The following ZBTB44 variants were observed in gnomAD, a reference collection of about 807,000 sequenced individuals.
ZBTB44 encodes the protein zinc finger and BTB domain containing 44, also known as zinc finger and BTB domain-containing protein 44.
A neutral mutation model predicts 54.0 loss-of-function variants in ZBTB44; 15 were observed. The observed-to-expected ratio is 0.28, with a 90% CI of 0.19 to 0.43. The LOEUF (loss-of-function observed/expected upper bound fraction) is 0.43, where lower values mean the gene tolerates loss of function less well. Among genes scored for constraint, ZBTB44 ranks in the 20% least tolerant of loss-of-function variants. The probability of loss-of-function intolerance (pLI) is 1.00; values close to 1 mark genes in which losing one functional copy is unlikely to be tolerated. For missense variants in ZBTB44, 487 were observed against 707.1 expected (o/e 0.69, Z 3.53); for synonymous variants, 230 against 250.1 (o/e 0.92, Z 0.76).
At position 130,260,887 on chromosome 11, in the gene ZBTB44, G is replaced by C; in HGVS notation, c.987C>G (p.Asp329Glu). The part of the protein sequence containing the change: ...TVPGSEQVQE[D>E]LLISPQSSSI... ...AGGAAGACTGTGGACTAATCAGAAGGTCCTCTTGGACTTGTTCACTTCCTG... is the reference window on the plus strand; with the variant it reads ...AGGAAGACTGTGGACTAATCAGAAGCTCCTCTTGGACTTGTTCACTTCCTG... The change falls in exon 2 of 8, where the codon GAC becomes GAG. Residue 329 changes from aspartate (D) to glutamate (E), a missense_variant. Around this residue, in one of 3 missense-constraint regions of ZBTB44, gnomAD observed 277 missense variants for 306.5 expected, o/e 0.90. Coordinates refer to ENST00000357899, the MANE Select transcript of ZBTB44 (RefSeq NM_001301098.2). The C allele has an allele frequency of 6.2e-7, 1 of 1,613,808 alleles. No individual in the cohort carries two copies. Among genetic ancestry groups the C allele is most frequent in the Non-Finnish European group, 8.5e-7 (1 of 1,179,856 alleles).
intron 5 of ZBTB44, chr11:130,236,044 A>AGGAATCCT: frequency 9.1e-7 from 1 of 1,101,142 alleles, no homozygotes; most frequent in Non-Finnish European, 1.1e-6. Flanking sequence ...TACAATTCTT[A>AGGAATCCT]TAAACAATTT....
Position 130,234,163 on chromosome 11 carries a change from A to G in ZBTB44, c.1679T>C (p.Ile560Thr). The G allele has an allele frequency of 6.5e-7, 1 of 1,544,530 alleles. No homozygotes were observed. Among genetic ancestry groups the G allele is most frequent in the Non-Finnish European group, 8.7e-7 (1 of 1,143,928 alleles). The change falls in exon 6 of 8, where the codon ATT becomes ACT. Residue 560 changes from isoleucine (I) to threonine (T), a missense_variant. Ile to Thr is a moderately conservative substitution (Grantham distance 89). Around this residue, in one of 3 missense-constraint regions of ZBTB44, gnomAD observed 120 missense variants for 240.3 expected, o/e 0.50. Transcript: ENST00000357899. ...ATTCTGGGTTGAGGAGACCTGTGAAATGACAGGCATTTGAACAGAGGAGTT... is the reference window on the plus strand; with the variant it reads ...ATTCTGGGTTGAGGAGACCTGTGAAGTGACAGGCATTTGAACAGAGGAGTT... ...ESNSSVQMPV[I>T]SQYHSKGKEP
In ZBTB44 at chr11:130,308,992, G is replaced by A. The variant is rs141535820; in HGVS notation, c.-57+5383C>T. Among the ~76,000 whole-genome samples, 11 of 152,262 alleles carry A rather than the reference G, an allele frequency of 7.2e-5. No individual in the cohort carries two copies. The East Asian group carries it at 1.4e-3, about 19-fold the overall frequency. On this transcript the variant is annotated intron_variant, in intron 1 of 7. Transcript: ENST00000357899. ...ATGGTCCAAGACACACAGCCCTCTT[G>A]CACAAATAACTCACAAGCTTTCTGC...
intron 1 of ZBTB44, among the ~76,000 whole-genome samples, chr11:130,271,191 A>G (rs1174705511): frequency 6.6e-6 from 1 of 151,824 alleles, no homozygotes; most frequent in Non-Finnish European, 1.5e-5. Context: ...TTCATTATAA[A>G]TAGTTAAAGG....
intron 1 of ZBTB44, among the ~76,000 whole-genome samples, chr11:130,272,491 T>C (rs140620100): frequency 6.6e-6 from 1 of 152,356 alleles, no homozygotes; most frequent in African/African-American, 2.4e-5. Flanking sequence ...TATATTCTAG[T>C]TGTGAGTTGC....
intron 1 of ZBTB44, among the ~76,000 whole-genome samples, chr11:130,303,024 C>G (rs1022870976): frequency 6.6e-6 from 1 of 152,152 alleles, no homozygotes; most frequent in Non-Finnish European, 1.5e-5. Flanking sequence ...GTAAGTAAAT[C>G]TAAGTCCCTG....
chr11:130,258,879 C>A (rs1938636669), intron 2 of ZBTB44, among the ~76,000 whole-genome samples: 1 of 152,188 alleles, frequency 6.6e-6, no homozygotes, highest in Non-Finnish European at 1.5e-5. Flanking sequence ...TGTACCAGCC[C>A]TGGACTTTTA....
intron 2 of ZBTB44, among the ~76,000 whole-genome samples, chr11:130,249,079 G>A (rs1188938610): frequency 6.6e-6 from 1 of 152,188 alleles, no homozygotes; most frequent in African/African-American, 2.4e-5. Context: ...ATTCCAGCCT[G>A]GGTGACAGAG....
At chr11:130,264,734 A>G (rs1197278431) in intron 1 of ZBTB44, among the ~76,000 whole-genome samples, 2 of 152,228 alleles carry the variant, frequency 1.3e-5, no homozygotes, top group African/African-American at 4.8e-5. Flanking sequence ...ATGCTCCATA[A>G]TACAAACTTA....
intron 1 of ZBTB44, among the ~76,000 whole-genome samples, chr11:130,311,708 C>T (rs1454854460): frequency 6.6e-6 from 1 of 152,120 alleles, no homozygotes; most frequent in Non-Finnish European, 1.5e-5. Flanking sequence ...AACGAATATG[C>T]CAAACATCCA....
At chr11:130,241,639 C>A (rs1424647383) in intron 2 of ZBTB44, among the ~76,000 whole-genome samples, 3 of 152,062 alleles carry the variant, frequency 2.0e-5, no homozygotes, top group Non-Finnish European at 4.4e-5. Flanking sequence ...AATATCTTTC[C>A]CCATCCCATG....
intron 1 of ZBTB44, among the ~76,000 whole-genome samples, chr11:130,263,457 T>G (rs1939025638): frequency 6.6e-6 from 1 of 152,160 alleles, no homozygotes; most frequent in Non-Finnish European, 1.5e-5. Flanking sequence ...CCTTCGAGAG[T>G]GCTTACTTTG....
chr11:130,265,233 ATTTTT>A (rs919772187), intron 1 of ZBTB44, among the ~76,000 whole-genome samples: 7 of 151,176 alleles, frequency 4.6e-5, no homozygotes, highest in African/African-American at 1.7e-4. Context: ...TTCTCACTTT[ATTTTT>A]TTTTATGAGA....
chr11:130,263,729 C>T (rs1364716723), intron 1 of ZBTB44, among the ~76,000 whole-genome samples: 2 of 152,160 alleles, frequency 1.3e-5, no homozygotes, highest in Admixed American at 6.6e-5. Context: ...TGAGTTACAT[C>T]CACCTTCAGT....
chr11:130,228,634 G>A lies in ZBTB44; in HGVS notation c.*3130C>T, dbSNP rs994223469. Reference sequence around the variant, plus strand: ...GAGATGACAGGGCTCCCTTAAAGCAGGAAGATTTATCCTTCCTCAGCAGGT... The same window carrying A: ...GAGATGACAGGGCTCCCTTAAAGCAAGAAGATTTATCCTTCCTCAGCAGGT... On this transcript the variant is annotated 3_prime_UTR_variant, in exon 8 of 8. Coordinates refer to ENST00000357899, the MANE Select transcript of ZBTB44 (RefSeq NM_001301098.2). 3.3e-5 allele frequency: 5 copies of A among 152,174 alleles called. No homozygotes were observed. Among genetic ancestry groups the A allele is most frequent in the African/African-American group, 1.2e-4 (5 of 41,442 alleles). The allele number at this position is 152,174 out of a possible 1,614,324, so 9.4% of individuals were successfully genotyped here. A position where few individuals can be genotyped will look rare whatever the true frequency, so the allele number is the denominator to read the frequency against.
chr11:130,296,208 A>T, intron 1 of ZBTB44: 1 of 1,282,754 alleles, frequency 7.8e-7, no homozygotes, highest in Non-Finnish European at 1.1e-6. Context: ...ATTGTATGTT[A>T]GTGTTGATGA....
chr11:130,307,597 A>G (rs538986914), intron 1 of ZBTB44, among the ~76,000 whole-genome samples: 4 of 152,200 alleles, frequency 2.6e-5, no homozygotes, highest in Admixed American at 1.3e-4. Flanking sequence ...AATGATATAC[A>G]ATCATGCGTG....
intron 1 of ZBTB44, among the ~76,000 whole-genome samples, chr11:130,307,515 C>T (rs996717608): frequency 1.3e-5 from 2 of 152,044 alleles, no homozygotes; most frequent in South Asian, 4.1e-4. Flanking sequence ...TTTTAAAATG[C>T]CTTTTAAAGT....
At chr11:130,239,662 T>G in intron 3 of ZBTB44, 150 bp downstream of exon 3, 1 of 595,790 alleles carries the variant, frequency 1.7e-6, no homozygotes, top group African/African-American at 1.9e-5. Flanking sequence ...GGTACTCTAA[T>G]TTATAATGTG....
Sources: gnomAD v4.1 joint callset for allele counts (sites outside exome capture counted in the v4.1 genomes callset) on GRCh38, gnomAD v4.1.1 for gene constraint, gnomAD v4.1.1 regional missense constraint, MANE v1.5 for transcripts, NCBI Gene and HGNC (gene_info 2026-07-23, HGNC 2026-07-21) for gene names.